THSD7B: variants seen among roughly 807,000 people sequenced by gnomAD.
The protein encoded by THSD7B is thrombospondin type 1 domain containing 7B, also known as thrombospondin type-1 domain-containing protein 7B.
A neutral mutation model predicts 213.6 loss-of-function variants in THSD7B; 138 were observed. The observed-to-expected ratio is 0.65, with a 90% CI of 0.56 to 0.74. THSD7B has a LOEUF of 0.74. Ranked by LOEUF, THSD7B falls within the 30% of genes least tolerant of loss-of-function variation. The pLI is 0.00. For missense variants in THSD7B, 1,931 were observed against 1,991.5 expected, an observed-to-expected ratio of 0.97 and a Z score of 0.58; for synonymous variants, 742 against 687.0, an observed-to-expected ratio of 1.08 and a Z score of -1.25.
chr2:137,408,438 G>A (rs1686577356), intron 13 of THSD7B, among the ~76,000 whole-genome samples: 1 of 151,980 alleles, frequency 6.6e-6, no homozygotes, highest in South Asian at 2.1e-4. Context: ...GGCCTCAAGG[G>A]AATCAGTAGA....
Position 136,840,971 on chromosome 2 carries a change from T to C in THSD7B, c.-35-41173T>C, listed in dbSNP as rs943857399. The stretch of plus-strand genomic sequence containing the variant: ...TGGTGCTACCAAAGGAGAGGGAATA[T>C]ATTTAATATCAAGAAGAGCTTCCTA... On this transcript the variant is annotated intron_variant, in intron 1 of 27. Transcript: ENST00000409968. 4.6e-5 allele frequency among the ~76,000 whole-genome samples: 7 copies of C among 152,146 alleles called. No homozygotes were observed. In the South Asian group the frequency reaches 6.2e-4, roughly 14 times the overall value.
chr2:137,269,506 C>T (rs10445687), intron 10 of THSD7B, among the ~76,000 whole-genome samples: 14,788 of 152,158 alleles, frequency 0.097, 873 homozygotes, highest in Non-Finnish European at 0.13. Context: ...GCATCCCTTT[C>T]GTTTTTTTCT....
intron 15 of THSD7B, among the ~76,000 whole-genome samples, chr2:137,559,643 C>G (rs527691320): frequency 6.6e-6 from 1 of 152,300 alleles, no homozygotes; most frequent in Admixed American, 6.5e-5. Context: ...CCATTCAGGA[C>G]ATAGGCATGG....
chr2:137,187,208 C>G (rs1426244417), intron 7 of THSD7B, among the ~76,000 whole-genome samples: 1 of 152,118 alleles, frequency 6.6e-6, no homozygotes, highest in East Asian at 1.9e-4. Flanking sequence ...GTCTTAGGAA[C>G]TGCTCTGCGA....
intron 17 of THSD7B, among the ~76,000 whole-genome samples, chr2:137,578,936 C>A (rs993338300): frequency 1.3e-5 from 2 of 152,016 alleles, no homozygotes; most frequent in African/African-American, 2.4e-5. Context: ...AGTCATTTAA[C>A]GTTTGCATAA....
At chr2:137,493,922 A>G (rs1323775853) in intron 15 of THSD7B, among the ~76,000 whole-genome samples, 3 of 152,168 alleles carry the variant, frequency 2.0e-5, no homozygotes, top group African/African-American at 4.8e-5. Flanking sequence ...TTCACATCTC[A>G]TAGTACATTA....
At chr2:137,672,401 T>C (rs992749953) in intron 27 of THSD7B, among the ~76,000 whole-genome samples, 1 of 152,206 alleles carries the variant, frequency 6.6e-6, no homozygotes, top group Non-Finnish European at 1.5e-5. Flanking sequence ...CTTTGAGTCA[T>C]TGTGATTTCT....
intron 14 of THSD7B, among the ~76,000 whole-genome samples, chr2:137,427,037 A>T (rs1314693418): frequency 6.6e-6 from 1 of 152,162 alleles, no homozygotes; most frequent in Non-Finnish European, 1.5e-5. Flanking sequence ...CAACAAGGAT[A>T]TGAAAAGTTG....
At chr2:136,998,303 A>AGACAAGAC (rs1685934016) in intron 2 of THSD7B, among the ~76,000 whole-genome samples, 1 of 151,878 alleles carries the variant, frequency 6.6e-6, no homozygotes, top group South Asian at 2.1e-4. Flanking sequence ...AGAAAAGACA[A>AGACAAGAC]GACAAGACAC....
chr2:137,231,273 G>T (rs1417030115), intron 8 of THSD7B, 38 bp downstream of exon 8: 11 of 1,542,478 alleles, frequency 7.1e-6, no homozygotes, highest in Admixed American at 2.0e-5. Context: ...GGATTCATTA[G>T]CCCAATTATT....
chr2:137,141,131 G>A (rs1250294127), intron 5 of THSD7B, among the ~76,000 whole-genome samples: 1 of 152,134 alleles, frequency 6.6e-6, no homozygotes, highest in African/African-American at 2.4e-5. Context: ...CAGGAGGGGA[G>A]TCTGAGAGCT....
At chr2:137,459,626 C>G (rs1477222324) in intron 15 of THSD7B, among the ~76,000 whole-genome samples, 2 of 151,818 alleles carry the variant, frequency 1.3e-5, no homozygotes, top group African/African-American at 4.8e-5. Flanking sequence ...GATCGCACCA[C>G]TGCACTCCAA....
At chr2:137,328,903 C>T (rs1406546154) in intron 12 of THSD7B, among the ~76,000 whole-genome samples, 2 of 152,168 alleles carry the variant, frequency 1.3e-5, no homozygotes, top group East Asian at 1.9e-4. Flanking sequence ...TTCCTGAGGC[C>T]TCCCCAGCCA....
chr2:136,893,652 A>C (rs1056324560), intron 2 of THSD7B, among the ~76,000 whole-genome samples: 1 of 152,172 alleles, frequency 6.6e-6, no homozygotes, highest in African/African-American at 2.4e-5. Flanking sequence ...AACCACAGTC[A>C]ATTTTTATTG....
intron 17 of THSD7B, among the ~76,000 whole-genome samples, chr2:137,608,513 T>C (rs1165021928): frequency 6.6e-6 from 1 of 152,192 alleles, no homozygotes; most frequent in African/African-American, 2.4e-5. Flanking sequence ...TGTTGTTTGA[T>C]CTTTAATTTC....
At chr2:137,160,159 A>G in intron 5 of THSD7B, 54 bp from the exon 6 acceptor site, 1 of 1,558,856 alleles carries the variant, frequency 6.4e-7, no homozygotes, top group East Asian at 2.3e-5. Flanking sequence ...GGCAGAAGCA[A>G]TGCTAAGGAT....
intron 2 of THSD7B, among the ~76,000 whole-genome samples, chr2:137,029,624 A>G (rs1450901853): frequency 1.3e-5 from 2 of 152,176 alleles, no homozygotes; most frequent in African/African-American, 2.4e-5. Context: ...TATAACTGCA[A>G]AAGTAGAATA....
chr2:137,479,681 C>T (rs1688261374), intron 15 of THSD7B, among the ~76,000 whole-genome samples: 1 of 152,132 alleles, frequency 6.6e-6, no homozygotes, highest in South Asian at 2.1e-4. Flanking sequence ...TGTTTTTGCC[C>T]TGGCAGCAGC....
At chr2:136,877,157 A>C (rs1239725707) in intron 1 of THSD7B, among the ~76,000 whole-genome samples, 3 of 152,200 alleles carry the variant, frequency 2.0e-5, no homozygotes, top group Non-Finnish European at 4.4e-5. Context: ...AGGTTTTGTA[A>C]TAGTATACTA....
Sources: allele counts gnomAD v4.1 joint callset (sites outside exome capture counted in the v4.1 genomes callset), GRCh38; gene constraint gnomAD v4.1.1; transcripts MANE v1.5; gene names NCBI Gene and HGNC (gene_info 2026-07-23, HGNC 2026-07-21).